TNIK: variants seen among roughly 807,000 people sequenced by gnomAD.
TNIK encodes the protein TRAF2 and NCK-interacting protein kinase.
Under a neutral mutation model 191.3 loss-of-function variants are expected in TNIK, and 49 were observed. The ratio of observed to expected loss-of-function variants is 0.26; its 90% CI spans 0.20 to 0.32. The LOEUF (loss-of-function observed/expected upper bound fraction) is 0.32, where lower values mean the gene tolerates loss of function less well. Among genes scored for constraint, TNIK ranks in the 10% least tolerant of loss-of-function variants. The pLI is 1.00. For missense variants in TNIK, 1,155 were observed against 1,702.3 expected (o/e 0.68, Z 5.66); for synonymous variants, 594 against 600.9 (o/e 0.99, Z 0.17).
At chr3:171,392,276 T>G (rs1719629585) in intron 1 of TNIK, among the ~76,000 whole-genome samples, 1 of 152,150 alleles carries the variant, frequency 6.6e-6, no homozygotes, top group Non-Finnish European at 1.5e-5. Flanking sequence ...ATTTGAAACT[T>G]GAAAACTGTA....
intron 18 of TNIK, among the ~76,000 whole-genome samples, chr3:171,116,195 T>G (rs1431781637): frequency 6.6e-6 from 1 of 152,240 alleles, no homozygotes; most frequent in Non-Finnish European, 1.5e-5. Flanking sequence ...CATTTTTCTC[T>G]CCTTCATTAT....
At chr3:171,348,366 T>A (rs1712598518) in intron 2 of TNIK, among the ~76,000 whole-genome samples, 1 of 152,190 alleles carries the variant, frequency 6.6e-6, no homozygotes, top group Non-Finnish European at 1.5e-5. Context: ...ATTTTAAGGA[T>A]ATAACAGAAG....
At chr3:171,350,595 TAAAAAAAA>T (rs71178208) in intron 2 of TNIK, among the ~76,000 whole-genome samples, 11 of 98,020 alleles carry the variant, frequency 1.1e-4, no homozygotes, top group Non-Finnish European at 1.7e-4. Context: ...GCTCTGTTGC[TAAAAAAAA>T]AAAAAAAAAA....
intron 23 of TNIK, 39 bp from the exon 24 acceptor site, chr3:171,087,545 G>T (rs765395390): frequency 6.2e-7 from 1 of 1,602,526 alleles, no homozygotes; most frequent in Admixed American, 1.7e-5. Context: ...TAGAGAGGGG[G>T]GAAAAAGGCC....
chr3:171,440,097 G>A (rs1726585861), intron 1 of TNIK, among the ~76,000 whole-genome samples: 1 of 152,068 alleles, frequency 6.6e-6, no homozygotes, highest in African/African-American at 2.4e-5. Flanking sequence ...TAGGCTGGGC[G>A]AATGACCACA....
intron 1 of TNIK, among the ~76,000 whole-genome samples, chr3:171,419,566 GA>G (rs1213725127): frequency 6.6e-6 from 1 of 152,140 alleles, no homozygotes; most frequent in Non-Finnish European, 1.5e-5. Flanking sequence ...GCCTAAGGAT[GA>G]AAAAACAAAG....
intron 2 of TNIK, among the ~76,000 whole-genome samples, chr3:171,312,144 GC>G (rs1754106816): frequency 1.0e-5 from 1 of 97,936 alleles, no homozygotes; most frequent in Non-Finnish European, 2.1e-5. Flanking sequence ...AAAAAAAAGG[GC>G]TAGACTGGCA....
Position 171,083,792 on chromosome 3 carries a change from G to A in TNIK, c.3169+363C>T, listed in dbSNP as rs1008405474. 2.0e-5 allele frequency among the ~76,000 whole-genome samples: 3 copies of A among 152,090 alleles called. No homozygotes were observed. The South Asian group carries it at 6.2e-4, about 32-fold the overall frequency. ...GTATGGATCATGGAGAATGAACGTG[G>A]GGTATATCACAAAGTGCCAGACACA... On this transcript the variant is annotated intron_variant, in intron 26 of 32. Coordinates refer to ENST00000436636, the MANE Select transcript of TNIK (RefSeq NM_015028.4).
chr3:171,154,259 C>CAAAAAAAAA (rs33932410), intron 12 of TNIK, among the ~76,000 whole-genome samples: 1 of 137,588 alleles, frequency 7.3e-6, no homozygotes, highest in African/African-American at 2.7e-5. Context: ...GATATCTCTT[C>CAAAAAAAAA]AAAAAAAAAA....
chr3:171,248,463 T>C (rs1478149318), intron 2 of TNIK, among the ~76,000 whole-genome samples: 1 of 152,204 alleles, frequency 6.6e-6, no homozygotes, highest in African/African-American at 2.4e-5. Flanking sequence ...AAGGAGATAG[T>C]ACATGTTGGC....
chr3:171,426,118 C>A (rs1333751435), intron 1 of TNIK, among the ~76,000 whole-genome samples: 72 of 152,088 alleles, frequency 4.7e-4, no homozygotes, highest in African/African-American at 1.7e-3. Context: ...ATGTTTACTG[C>A]AGCACTACTC....
chr3:171,423,460 T>C (rs1724088117), intron 1 of TNIK, among the ~76,000 whole-genome samples: 1 of 152,134 alleles, frequency 6.6e-6, no homozygotes, highest in South Asian at 2.1e-4. Context: ...AATGACTTTC[T>C]TCACAGAATT....
chr3:171,075,701 C>T (rs1422170901), intron 28 of TNIK, among the ~76,000 whole-genome samples: 1 of 151,368 alleles, frequency 6.6e-6, no homozygotes, highest in Non-Finnish European at 1.5e-5. Flanking sequence ...CATACGTTTA[C>T]AGACATTAAA....
chr3:171,306,153 G>A (rs543854136), intron 2 of TNIK, among the ~76,000 whole-genome samples: 1 of 152,246 alleles, frequency 6.6e-6, no homozygotes, highest in African/African-American at 2.4e-5. Context: ...ATAAGTGGGA[G>A]CTAAATAATG....
chr3:171,087,316 C>T (rs1490924466), intron 24 of TNIK, 26 bp downstream of exon 24: 3 of 1,612,898 alleles, frequency 1.9e-6, no homozygotes, highest in Admixed American at 3.3e-5. Context: ...GCAGAACTGT[C>T]ATGTCAGCTG....
intron 2 of TNIK, among the ~76,000 whole-genome samples, chr3:171,288,281 C>T (rs1486445382): frequency 1.7e-4 from 25 of 146,700 alleles, no homozygotes; most frequent in Non-Finnish European, 2.7e-4. Context: ...AACTAACCTG[C>T]ACAATGTGCA....
intron 1 of TNIK, among the ~76,000 whole-genome samples, chr3:171,394,534 T>A (rs1275901575): frequency 6.6e-6 from 1 of 152,214 alleles, no homozygotes; most frequent in Non-Finnish European, 1.5e-5. Context: ...TGCACATTTC[T>A]GATGAAAAAC....
chr3:171,122,398 C>T (rs1349427059), intron 18 of TNIK, among the ~76,000 whole-genome samples: 1 of 152,178 alleles, frequency 6.6e-6, no homozygotes, highest in Non-Finnish European at 1.5e-5. Flanking sequence ...CTCTAGTCTT[C>T]CTCAGTGCTG....
At chr3:171,211,863 A>G (rs1022168595) in intron 3 of TNIK, among the ~76,000 whole-genome samples, 6 of 152,176 alleles carry the variant, frequency 3.9e-5, no homozygotes, top group African/African-American at 1.4e-4. Flanking sequence ...AAAAAGAGAC[A>G]ACTCTCTTAC....
Sources: allele counts gnomAD v4.1 joint callset (sites outside exome capture counted in the v4.1 genomes callset), GRCh38; gene constraint gnomAD v4.1.1; transcripts MANE v1.5; gene names NCBI Gene and HGNC (gene_info 2026-07-23, HGNC 2026-07-21).